NMNAT3: variants seen among roughly 807,000 people sequenced by gnomAD.
NMNAT3 encodes nicotinamide/nicotinic acid mononucleotide adenylyltransferase 3.
Under a neutral mutation model 24.8 loss-of-function variants are expected in NMNAT3, and 21 were observed. The ratio of observed to expected loss-of-function variants is 0.85; its 90% CI spans 0.60 to 1.22. NMNAT3 has a LOEUF of 1.22. Ranked by LOEUF, NMNAT3 falls within the 50% of genes most tolerant of loss-of-function variation. The pLI is 0.00. For missense variants in NMNAT3, 387 were observed against 436.6 expected (o/e 0.89, Z 1.01); for synonymous variants, 136 against 155.2 (o/e 0.88, Z 0.92).
intron 3 of NMNAT3, among the ~76,000 whole-genome samples, chr3:139,612,661 A>C (rs1426069567): frequency 6.6e-6 from 1 of 152,200 alleles, no homozygotes; most frequent in Admixed American, 6.5e-5. Flanking sequence ...AGATTCTAGC[A>C]GTTGCTTTTC....
intron 6 of NMNAT3, among the ~76,000 whole-genome samples, chr3:139,572,958 G>A (rs971798970): frequency 3.3e-5 from 5 of 152,132 alleles, no homozygotes; most frequent in Admixed American, 6.5e-5. Context: ...GAATCTGCAC[G>A]CCCACCGCTG....
At position 139,585,209 on chromosome 3, in the gene NMNAT3, G is replaced by A. The variant is rs139305771; in HGVS notation, c.110-2001C>T. ...TGTTGAAATCTCTACCTATAATTGC[G>A]AATTTGTCTATTTTGCCTTTCAGCT... On this transcript the variant is annotated intron_variant, in intron 3 of 6. Transcript: ENST00000643695. Among the ~76,000 whole-genome samples, 890 of 152,174 alleles carry A rather than the reference G, an allele frequency of 5.8e-3. 8 individuals are homozygous for A. The highest frequency in any genetic ancestry group is 0.01 in the Non-Finnish European group (688 of 68,004).
At chr3:139,600,107 C>T (rs980627524) in intron 3 of NMNAT3, among the ~76,000 whole-genome samples, 4 of 152,226 alleles carry the variant, frequency 2.6e-5, no homozygotes, top group African/African-American at 9.6e-5. Context: ...AATCAGCAAA[C>T]TCTTCCTGCA....
chr3:139,569,722 T>A (rs182912571), intron 6 of NMNAT3: 1 of 152,390 alleles, frequency 6.6e-6, no homozygotes, highest in East Asian at 1.9e-4. Flanking sequence ...GCTGTTAGTC[T>A]GATGGGCTTC....
At chr3:139,581,536 G>A (rs2053615025) in intron 4 of NMNAT3, among the ~76,000 whole-genome samples, 1 of 152,110 alleles carries the variant, frequency 6.6e-6, no homozygotes, top group Non-Finnish European at 1.5e-5. Flanking sequence ...ATGGATACAT[G>A]CTACAACAAA....
At chr3:139,652,483 G>C (rs1017893217) in intron 1 of NMNAT3, among the ~76,000 whole-genome samples, 1 of 151,904 alleles carries the variant, frequency 6.6e-6, no homozygotes, top group African/African-American at 2.4e-5. Context: ...AGTGAGCTGA[G>C]ATGAGATTCG....
chr3:139,642,666 C>A (rs959771474), intron 1 of NMNAT3, among the ~76,000 whole-genome samples: 1 of 152,134 alleles, frequency 6.6e-6, no homozygotes, highest in Admixed American at 6.5e-5. Context: ...CCCATGGGCA[C>A]CATGGGGACA....
At chr3:139,571,889 C>T (rs914993377) in intron 6 of NMNAT3, among the ~76,000 whole-genome samples, 1 of 152,218 alleles carries the variant, frequency 6.6e-6, no homozygotes, top group Non-Finnish European at 1.5e-5. Context: ...GTTGTCCCTC[C>T]TGAGTCACTC....
chr3:139,660,832 T>TA (rs57212720), intron 1 of NMNAT3, among the ~76,000 whole-genome samples: 2 of 151,938 alleles, frequency 1.3e-5, no homozygotes, highest in East Asian at 1.9e-4. Flanking sequence ...TAAGGGGAGA[T>TA]AAAAAAAATC....
intron 3 of NMNAT3, among the ~76,000 whole-genome samples, chr3:139,599,818 C>T (rs551107650): frequency 3.3e-5 from 5 of 152,268 alleles, no homozygotes; most frequent in South Asian, 2.1e-4. Context: ...TTTACTGCTC[C>T]GCCCTGTGTC....
intron 3 of NMNAT3, among the ~76,000 whole-genome samples, chr3:139,588,103 C>G (rs1027144956): frequency 1.3e-5 from 2 of 152,140 alleles, no homozygotes; most frequent in Admixed American, 6.5e-5. Flanking sequence ...TAAGTCCAAG[C>G]CTTTTCCCTT....
chr3:139,645,310 A>G (rs899772461), intron 1 of NMNAT3, among the ~76,000 whole-genome samples: 1 of 152,250 alleles, frequency 6.6e-6, no homozygotes, highest in Non-Finnish European at 1.5e-5. Context: ...GAGTCTAGAT[A>G]CTGATTAAAG....
chr3:139,655,852 G>A (rs1478641696), intron 1 of NMNAT3, among the ~76,000 whole-genome samples: 1 of 152,220 alleles, frequency 6.6e-6, no homozygotes, highest in Admixed American at 6.6e-5. Flanking sequence ...GGTGAGCTGA[G>A]CTGGTAGCAG....
chr3:139,622,817 T>C (rs560444598), intron 3 of NMNAT3, among the ~76,000 whole-genome samples: 39 of 135,458 alleles, frequency 2.9e-4, no homozygotes, highest in African/African-American at 1.1e-3. Flanking sequence ...ATATAAAATG[T>C]ATATATGATA....
chr3:139,633,461 T>A (rs2056380710), intron 2 of NMNAT3, among the ~76,000 whole-genome samples: 1 of 152,162 alleles, frequency 6.6e-6, no homozygotes, highest in South Asian at 2.1e-4. Flanking sequence ...ATTACAGGCG[T>A]GAGCCACTGT....
At chr3:139,663,727 C>T (rs936494361) in intron 1 of NMNAT3, among the ~76,000 whole-genome samples, 1 of 152,148 alleles carries the variant, frequency 6.6e-6, no homozygotes, top group Admixed American at 6.5e-5. Context: ...ACACATGACC[C>T]GAAGTCAGGA....
chr3:139,640,712 T>C (rs1440554337), intron 1 of NMNAT3, among the ~76,000 whole-genome samples: 2 of 152,164 alleles, frequency 1.3e-5, no homozygotes, highest in African/African-American at 2.4e-5. Context: ...ACCTGATACT[T>C]TCACTGGGTA....
At chr3:139,673,017 C>T (rs2057807464) in intron 1 of NMNAT3, among the ~76,000 whole-genome samples, 1 of 152,200 alleles carries the variant, frequency 6.6e-6, no homozygotes, top group Non-Finnish European at 1.5e-5. Context: ...GTGGGCCCAG[C>T]TTTCCGGACA....
At chr3:139,646,706 G>A (rs2056882625) in intron 1 of NMNAT3, among the ~76,000 whole-genome samples, 1 of 152,200 alleles carries the variant, frequency 6.6e-6, no homozygotes, top group Admixed American at 6.5e-5. Context: ...AATGCTGAGC[G>A]ATGCAGTTTA....
Sources: allele counts gnomAD v4.1 joint callset (sites outside exome capture counted in the v4.1 genomes callset), GRCh38; gene constraint gnomAD v4.1.1; transcripts MANE v1.5; gene names NCBI Gene and HGNC (gene_info 2026-07-23, HGNC 2026-07-21).